Variants in MCC observed in about 807,000 individuals in gnomAD.
MCC encodes colorectal mutant cancer protein.
Under a neutral mutation model 116.2 loss-of-function variants are expected in MCC, and 90 were observed. That is an observed-to-expected ratio of 0.77 (90% CI 0.65 to 0.92). The LOEUF (loss-of-function observed/expected upper bound fraction) is 0.92. MCC is among the 40% of genes least tolerant of loss of function. The pLI, the probability that MCC is intolerant of heterozygous loss-of-function variation, is 0.00. For synonymous variants in MCC, 578 were observed against 510.5 expected, an observed-to-expected ratio of 1.13 and a Z score of -1.78; for missense variants, 1,516 against 1,312.2, an observed-to-expected ratio of 1.16 and a Z score of -2.40.
chr5:113,225,909 A>C (rs1763716314), intron 3 of MCC, among the ~76,000 whole-genome samples: 1 of 152,274 alleles, frequency 6.6e-6, no homozygotes, highest in Non-Finnish European at 1.5e-5. Context: ...GTGGTGGCTC[A>C]TGACTATAAT....
chr5:113,327,545 CAAAAAAAA>C (rs1189402090), intron 3 of MCC, among the ~76,000 whole-genome samples: 1 of 57,246 alleles, frequency 1.7e-5, no homozygotes, highest in South Asian at 5.2e-4. Context: ...GACTCAGTCT[CAAAAAAAA>C]AAAAAAAAAT....
At position 113,024,472 on chromosome 5, in the gene MCC, A is replaced by G. The variant is rs1368420469; in HGVS notation, c.*2830T>C. ...AACAATGGGAAATATATTCCAAGGG[A>G]ACTGTGAAATGGGTCCTTTGGCTCT... On this transcript the variant is annotated 3_prime_UTR_variant, in exon 19 of 19. Transcript: ENST00000408903. The G allele has an allele frequency of 6.6e-6, 1 of 152,214 alleles. No homozygotes were observed. The highest frequency in any genetic ancestry group is 1.5e-5 in the Non-Finnish European group (1 of 68,038). 9.4% of individuals were successfully genotyped at this position (152,214 alleles called of 1,614,324 possible).
At chr5:113,451,551 A>G (rs574923752) in intron 1 of MCC, among the ~76,000 whole-genome samples, 2 of 152,306 alleles carry the variant, frequency 1.3e-5, no homozygotes, top group South Asian at 4.1e-4. Context: ...CCTGACCAAC[A>G]TGGAGAGACC....
At chr5:113,167,763 AG>A (rs1760851824) in intron 3 of MCC, among the ~76,000 whole-genome samples, 1 of 152,056 alleles carries the variant, frequency 6.6e-6, no homozygotes, top group African/African-American at 2.4e-5. Context: ...CCCAAGTAGC[AG>A]GGACTACAGG....
rs118149056 is a variant in MCC at position 113,059,583 on chromosome 5, T to C, written c.2213+4401A>G. 1.2e-4 allele frequency among the ~76,000 whole-genome samples: 19 copies of C among 152,374 alleles called. No individual in the cohort carries two copies. In the East Asian group the frequency reaches 2.9e-3, roughly 23 times the overall value. On this transcript the variant is annotated intron_variant, in intron 14 of 18. Coordinates refer to ENST00000408903, the MANE Select transcript of MCC (RefSeq NM_001085377.2). ...TCCTCCTCTCCAGAACAGGAGCCTG[T>C]CTGTGTTCTCTGAGAGCGACTGTGG...
At chr5:113,287,824 C>G (rs1418216304) in intron 3 of MCC, among the ~76,000 whole-genome samples, 1 of 152,232 alleles carries the variant, frequency 6.6e-6, no homozygotes, top group Non-Finnish European at 1.5e-5. Flanking sequence ...ACTCAGGGTT[C>G]TGGCATCTCC....
chr5:113,200,707 T>A lies in MCC; in HGVS notation c.628-49285A>T, dbSNP rs151295233. 8.5e-5 allele frequency among the ~76,000 whole-genome samples: 13 copies of A among 152,252 alleles called. No homozygotes were observed. In the East Asian group the frequency reaches 2.5e-3, roughly 29 times the overall value. ...ACAAAGAAAAGCCTAGCCAACCTTATAAGCAAAAGGATCTATCCCCAGAAA... is the reference window on the plus strand; with the variant it reads ...ACAAAGAAAAGCCTAGCCAACCTTAAAAGCAAAAGGATCTATCCCCAGAAA... On this transcript the variant is annotated intron_variant, in intron 3 of 18. Transcript: ENST00000408903.
chr5:113,353,082 C>T (rs201673701), intron 2 of MCC, among the ~76,000 whole-genome samples: 4 of 152,212 alleles, frequency 2.6e-5, no homozygotes, highest in South Asian at 4.1e-4. Flanking sequence ...TCCTGGCTCA[C>T]GAGGTTCCAG....
At chr5:113,180,281 T>C (rs1761554408) in intron 3 of MCC, among the ~76,000 whole-genome samples, 1 of 152,170 alleles carries the variant, frequency 6.6e-6, no homozygotes, top group Admixed American at 6.6e-5. Flanking sequence ...TGCTTCCAAT[T>C]TATAATAATA....
At chr5:113,090,828 T>C (rs191764213) in intron 8 of MCC, among the ~76,000 whole-genome samples, 502 of 152,326 alleles carry the variant, frequency 3.3e-3, no homozygotes, top group Middle Eastern at 0.017. Flanking sequence ...TAAAAATGCA[T>C]AGAAATCCTG....
intron 1 of MCC, among the ~76,000 whole-genome samples, chr5:113,391,509 G>A (rs1173076882): frequency 1.3e-5 from 2 of 152,124 alleles, no homozygotes; most frequent in African/African-American, 2.4e-5. Context: ...GAAGCCAGGA[G>A]TTCGAAACTA....
intron 14 of MCC, among the ~76,000 whole-genome samples, chr5:113,061,142 G>C (rs1022553998): frequency 5.3e-5 from 8 of 152,230 alleles, no homozygotes; most frequent in South Asian, 4.1e-4. Flanking sequence ...ACCCCAGAGT[G>C]AGTGGCCACA....
Position 113,049,242 on chromosome 5 carries a change from G to A in MCC, c.2506C>T (p.Leu836=). The part of the protein sequence containing the change: ...LYLLEKEKKA[L]ELKLSTREAQ... Reference sequence around the variant, plus strand: ...TCCCGCGTGCTCAGCTTCAGCTCCAGGGCCTTCTTCTCTTTCTCCAGTAGG... The same window carrying A: ...TCCCGCGTGCTCAGCTTCAGCTCCAAGGCCTTCTTCTCTTTCTCCAGTAGG... The change falls in exon 16 of 19, where the codon CTG becomes TTG. Residue 836 remains leucine (L), a synonymous_variant. Coordinates refer to ENST00000408903, the MANE Select transcript of MCC (RefSeq NM_001085377.2). 6.2e-7 allele frequency: 1 copy of A among 1,613,302 alleles called. No homozygotes were observed. Among genetic ancestry groups the A allele is most frequent in the East Asian group, 2.2e-5 (1 of 44,882 alleles).
chr5:113,260,430 G>A (rs936977840), intron 3 of MCC, among the ~76,000 whole-genome samples: 2 of 152,024 alleles, frequency 1.3e-5, no homozygotes, highest in Non-Finnish European at 2.9e-5. Flanking sequence ...GTTGCAATAC[G>A]GTGTTTAGGT....
chr5:113,465,004 A>G (rs1163541431), intron 1 of MCC, among the ~76,000 whole-genome samples: 1 of 152,122 alleles, frequency 6.6e-6, no homozygotes, highest in East Asian at 1.9e-4. Context: ...TTCTCTTTAC[A>G]TCAATTTAGA....
chr5:113,266,357 G>A (rs574672357), intron 3 of MCC, among the ~76,000 whole-genome samples: 1 of 152,196 alleles, frequency 6.6e-6, no homozygotes, highest in African/African-American at 2.4e-5. Flanking sequence ...TGTTTACCCA[G>A]CAACGATCAA....
chr5:113,283,894 C>G (rs910377176), intron 3 of MCC, among the ~76,000 whole-genome samples: 1 of 152,228 alleles, frequency 6.6e-6, no homozygotes, highest in Non-Finnish European at 1.5e-5. Context: ...AAACCTCCCT[C>G]TTCCTCCTCC....
chr5:113,441,658 C>G (rs1435079589), intron 1 of MCC, among the ~76,000 whole-genome samples: 1 of 152,174 alleles, frequency 6.6e-6, no homozygotes, highest in Non-Finnish European at 1.5e-5. Flanking sequence ...CCTCTAACCC[C>G]CTACCCTGGA....
At chr5:113,196,596 A>G (rs1024733036) in intron 3 of MCC, among the ~76,000 whole-genome samples, 2 of 152,216 alleles carry the variant, frequency 1.3e-5, no homozygotes, top group Non-Finnish European at 2.9e-5. Flanking sequence ...CACGCCTATA[A>G]TCCCAGCACT....
Sources: allele counts gnomAD v4.1 joint callset (sites outside exome capture counted in the v4.1 genomes callset), GRCh38; gene constraint gnomAD v4.1.1; transcripts MANE v1.5; gene names NCBI Gene and HGNC (gene_info 2026-07-23, HGNC 2026-07-21).